Variants in PAOX observed in about 807,000 individuals in gnomAD.
The protein encoded by PAOX is polyamine oxidase, also known as peroxisomal N(1)-acetyl-spermine/spermidine oxidase.
A neutral mutation model predicts 39.0 loss-of-function variants in PAOX; 38 were observed. The observed-to-expected ratio is 0.97, with a 90% CI of 0.75 to 1.28. PAOX has a LOEUF of 1.28. PAOX is among the 50% of genes most tolerant of loss of function. PAOX has a pLI of 0.00. For missense variants in PAOX, 667 were observed against 685.7 expected (o/e 0.97, Z 0.30); for synonymous variants, 311 against 314.4 (o/e 0.99, Z 0.11).
At position 133,380,489 on chromosome 10, in the gene PAOX, C is replaced by G. The variant is rs750666184; in HGVS notation, c.668+4C>G. On this transcript the variant is annotated splice_donor_region_variant and intron_variant, in intron 2 of 6. Transcript: ENST00000278060. The stretch of plus-strand genomic sequence containing the variant: ...GGCTGGACTGCACCTTTTCTAAGTG[C>G]GTGCCTGAGCCCCTGCCCCGCCAGT... The G allele has an allele frequency of 1.9e-6, 3 of 1,584,684 alleles. No homozygotes were observed. The South Asian group carries it at 3.4e-5, about 18-fold the overall frequency.
In PAOX at chr10:133,379,480, G is replaced by C; in HGVS notation, c.164G>C (p.Arg55Pro). Residue 55 changes from arginine (R) to proline (P), a missense_variant, in exon 1 of 7, where the codon CGC (arginine) becomes CCC (proline). Arg to Pro is a moderately radical substitution (Grantham distance 103, BLOSUM62 -2). Transcript: ENST00000278060. ...ACGGCCCGCGCCGGGGGCCGCATCC[G>C]CTCGGAGCGCTGCTTCGGTAACCGC... The part of the protein sequence containing the change: ...EATARAGGRI[R>P]SERCFGGVVE... The C allele has an allele frequency of 4.1e-6, 5 of 1,225,436 alleles. No homozygotes were observed. The highest frequency in any genetic ancestry group is 4.1e-6 in the Non-Finnish European group (4 of 984,022). 75.9% of individuals were successfully genotyped at this position (1,225,436 alleles called of 1,614,324 possible).
chr10:133,384,980 G>A lies in PAOX; in HGVS notation c.1121+768G>A, dbSNP rs1276919594. ...CACCTGTGACGGGGGAAGCCTGTGTGTCTCCTTCACACTGAAGAGAAAACT... is the reference window on the plus strand; with the variant it reads ...CACCTGTGACGGGGGAAGCCTGTGTATCTCCTTCACACTGAAGAGAAAACT... On this transcript the variant is annotated intron_variant, in intron 4 of 6. Transcript: ENST00000278060. The surrounding 1 kb of genome is among the most constrained non-coding windows in gnomAD (Gnocchi z 4.3). 6.6e-6 allele frequency among the ~76,000 whole-genome samples: 1 copy of A among 152,164 alleles called. No individual in the cohort carries two copies. The highest frequency in any genetic ancestry group is 1.5e-5 in the Non-Finnish European group (1 of 68,030).
intron 6 of PAOX, 94 bp downstream of exon 6, chr10:133,389,841 G>A: frequency 7.7e-7 from 1 of 1,300,516 alleles, no homozygotes; most frequent in Non-Finnish European, 9.9e-7. Context: ...GTGGCGGGTG[G>A]GCTGGGATCC....
chr10:133,382,133 T>C (rs1337264674), intron 3 of PAOX, among the ~76,000 whole-genome samples: 1 of 152,152 alleles, frequency 6.6e-6, no homozygotes, highest in Non-Finnish European at 1.5e-5. Context: ...ACTAGGATAA[T>C]TGCTGTCAAC....
rs1390582521 is a variant in PAOX at position 133,384,126 on chromosome 10, C to T, written c.1035C>T (p.Asp345=). 5.6e-6 allele frequency: 9 copies of T among 1,614,178 alleles called. No homozygotes were observed. The highest frequency in any genetic ancestry group is 7.6e-6 in the Non-Finnish European group (9 of 1,180,036). Residue 345 remains aspartate (D), a synonymous_variant, in exon 4 of 7, where the codon GAC becomes GAT. Transcript: ENST00000278060. The surrounding 1 kb of genome is among the most constrained non-coding windows in gnomAD (Gnocchi z 4.3). The part of the protein sequence containing the change: ...DCQLIQLVWE[D]TSPLEDAAPE... The stretch of plus-strand genomic sequence containing the variant: ...AGCTGATCCAGCTGGTGTGGGAGGA[C>T]ACGTCGCCCCTGGAGGATGCTGCCC...
At chr10:133,389,126 A>C in intron 5 of PAOX, 58 bp downstream of exon 5, 1 of 1,356,320 alleles carries the variant, frequency 7.4e-7, no homozygotes, top group Non-Finnish European at 1.1e-6. Flanking sequence ...TTGATCTCTA[A>C]ACAGAAACTA....
Position 133,388,994 on chromosome 10 carries a change from AG to A in PAOX, c.1161del (p.Glu387AspfsTer24). The A allele has an allele frequency of 6.2e-7, 1 of 1,613,736 alleles. No individual in the cohort carries two copies. Among genetic ancestry groups the A allele is most frequent in the Non-Finnish European group, 8.5e-7 (1 of 1,179,974 alleles). ...HVLCGFIAGL[E>X]SEFMETLSDE... ...CTCTGTGGGTTCATTGCCGGACTTG[AG>A]TCTGAGTTCATGGAGACTCTGTCGG... On this transcript the variant is annotated frameshift_variant, in exon 5 of 7. Transcript: ENST00000278060. LOFTEE classifies it high-confidence loss of function.
intron 4 of PAOX, among the ~76,000 whole-genome samples, chr10:133,385,033 T>C (rs1849494739): frequency 6.6e-6 from 1 of 152,154 alleles, no homozygotes; most frequent in Non-Finnish European, 1.5e-5. Context: ...CGGTGGCTCA[T>C]GTCTGTAATC....
rs1474428088 is a variant in PAOX, at chr10:133,384,240, G to A, written c.1121+28G>A. 2.5e-6 allele frequency: 4 copies of A among 1,607,492 alleles called. No individual in the cohort carries two copies. The highest frequency in any genetic ancestry group is 2.1e-4 in the Middle Eastern group (1 of 4,836). ...ACGTTTGCTCCCTGAGAAGTTCTGCGAGTGGCTGGCTCATAGGCCTTCATC... is the reference window on the plus strand; with the variant it reads ...ACGTTTGCTCCCTGAGAAGTTCTGCAAGTGGCTGGCTCATAGGCCTTCATC... On this transcript the variant is annotated intron_variant, in intron 4 of 6. Coordinates refer to ENST00000278060, the MANE Select transcript of PAOX (RefSeq NM_152911.4). The surrounding 1 kb of genome is among the most constrained non-coding windows in gnomAD (Gnocchi z 4.3).
In PAOX at chr10:133,384,717, T is replaced by C. The variant is rs1849488700; in HGVS notation, c.1121+505T>C. ...CGTGGCGATTCAGGAGTTAATCCCA[T>C]GAGTGATGTGGGGATGGAGGGACTG... On this transcript the variant is annotated intron_variant, in intron 4 of 6. Transcript: ENST00000278060. This position sits in a 1 kb window ranked among gnomAD's most constrained non-coding sequence, Gnocchi z 4.3. Among the ~76,000 whole-genome samples the C allele has an allele frequency of 6.6e-6, 1 of 152,128 alleles. No homozygotes were observed. The highest frequency in any genetic ancestry group is 1.5e-5 in the Non-Finnish European group (1 of 68,026).
At chr10:133,387,021 G>T (rs1849548028) in intron 4 of PAOX, among the ~76,000 whole-genome samples, 1 of 152,164 alleles carries the variant, frequency 6.6e-6, no homozygotes, top group Non-Finnish European at 1.5e-5. Context: ...GCTCATGCCG[G>T]TAATTCCAGC....
chr10:133,384,217 G>C lies in PAOX; in HGVS notation c.1121+5G>C. The stretch of plus-strand genomic sequence containing the variant: ...TGTGGTCCTGCCTGCCTTTGCGTAC[G>C]TTTGCTCCCTGAGAAGTTCTGCGAG... On this transcript the variant is annotated splice_donor_5th_base_variant and intron_variant, in intron 4 of 6. Coordinates refer to ENST00000278060, the MANE Select transcript of PAOX (RefSeq NM_152911.4). This position sits in a 1 kb window ranked among gnomAD's most constrained non-coding sequence, Gnocchi z 4.3. 6.2e-7 allele frequency: 1 copy of C among 1,611,904 alleles called. No individual in the cohort carries two copies. The highest frequency in any genetic ancestry group is 8.5e-7 in the Non-Finnish European group (1 of 1,178,840).
intron 4 of PAOX, among the ~76,000 whole-genome samples, chr10:133,385,348 TGCTGGTGGGCAGCCG>T (rs1254870192): frequency 6.6e-6 from 1 of 151,860 alleles, no homozygotes; most frequent in Non-Finnish European, 1.5e-5. Flanking sequence ...AGGCCTGGGT[TGCTGGTGGGCAGCCG>T]GGTGGGTGAC....
intron 3 of PAOX, among the ~76,000 whole-genome samples, chr10:133,383,301 C>T (rs956613368): frequency 1.3e-5 from 2 of 152,100 alleles, no homozygotes; most frequent in Non-Finnish European, 2.9e-5. Context: ...TTTACATGTG[C>T]ACTTAAAAAC....
intron 4 of PAOX, among the ~76,000 whole-genome samples, chr10:133,386,630 A>C (rs1197367476): frequency 2.6e-5 from 4 of 151,770 alleles, no homozygotes; most frequent in Non-Finnish European, 5.9e-5. Context: ...GCCCACCACC[A>C]CACCCGGCTA....
intron 6 of PAOX, chr10:133,390,771 T>C: frequency 1.7e-6 from 1 of 590,766 alleles, no homozygotes; most frequent in Non-Finnish European, 3.0e-6. Context: ...TGACTTCTCA[T>C]TACATCAGAT....
In PAOX at chr10:133,389,740, G is replaced by A. The variant is rs1589901390; in HGVS notation, c.1385G>A (p.Gly462Asp). 3 of 1,541,194 alleles carry A rather than the reference G, an allele frequency of 1.9e-6. No individual in the cohort carries two copies. In the African/African-American group the frequency reaches 4.2e-5, roughly 21 times the overall value. Residue 462 changes from glycine (G) to aspartate (D), a missense_variant, in exon 6 of 7, where the codon GGC becomes GAC. By Grantham distance (94) the Gly-to-Asp change is moderately conservative (BLOSUM62 -1). Coordinates refer to ENST00000278060, the MANE Select transcript of PAOX (RefSeq NM_152911.4). The stretch of plus-strand genomic sequence containing the variant: ...CAGCCCCTCCCTGCAGACGGCGCCG[G>A]CGCCCAGGTATGTGGCGTGCCCCAG... ...LAQPLPADGA[G>D]AQLQILFAGE...
intron 3 of PAOX, among the ~76,000 whole-genome samples, chr10:133,383,615 AAAAAG>A (rs1453279163): frequency 6.6e-6 from 1 of 151,744 alleles, no homozygotes; most frequent in Non-Finnish European, 1.5e-5. Flanking sequence ...AAAAAAAAAA[AAAAAG>A]AAAACCCAAA....
Position 133,381,470 on chromosome 10 carries a change from G to C in PAOX, c.679G>C (p.Gly227Arg), listed in dbSNP as rs755659008. 1.2e-6 allele frequency: 2 copies of C among 1,613,748 alleles called. No homozygotes were observed. The highest frequency in any genetic ancestry group is 2.2e-5 in the South Asian group (2 of 91,080). Reference protein sequence around the residue: ...LDCTFSKGYQGLTNCMMAALP... With the variant: ...LDCTFSKGYQRLTNCMMAALP... ...CTTCCGTCTTTCTAGGGGCTATCAA[G>C]GACTCACAAACTGCATGATGGCCGC... Residue 227 changes from glycine (G) to arginine (R), a missense_variant, in exon 3 of 7, where the codon GGA becomes CGA. By Grantham distance (125) the Gly-to-Arg change is moderately radical. Transcript: ENST00000278060.
Sources: gnomAD v4.1 joint callset for allele counts (sites outside exome capture counted in the v4.1 genomes callset) on GRCh38, gnomAD v4.1.1 for gene constraint, Gnocchi (gnomAD v3.1) non-coding constraint, MANE v1.5 for transcripts, NCBI Gene and HGNC (gene_info 2026-07-23, HGNC 2026-07-21) for gene names.